TNKS: variants seen among roughly 807,000 people sequenced by gnomAD.
TNKS encodes poly [ADP-ribose] polymerase tankyrase-1.
In TNKS, 72 loss-of-function variants were observed where a neutral mutation model predicts 135.8. That is an observed-to-expected ratio of 0.53 (90% CI 0.44 to 0.64). The LOEUF (loss-of-function observed/expected upper bound fraction) is 0.64. TNKS is among the 30% of genes least tolerant of loss of function. TNKS has a pLI of 0.00. For synonymous variants in TNKS, 849 were observed against 649.3 expected (o/e 1.31, Z -4.68); for missense variants, 1,769 against 1,674.0 (o/e 1.06, Z -0.99).
intron 26 of TNKS, among the ~76,000 whole-genome samples, chr8:9,771,309 A>G (rs537015010): frequency 8.5e-5 from 10 of 117,594 alleles, no homozygotes; most frequent in African/African-American, 3.6e-4. Flanking sequence ...AGAGGAAGGA[A>G]GGAAGAGAGA....
At chr8:9,740,728 C>T (rs967432953) in intron 17 of TNKS, among the ~76,000 whole-genome samples, 1 of 151,342 alleles carries the variant, frequency 6.6e-6, no homozygotes. Flanking sequence ...ACATAAGGTT[C>T]TCAATTTCTC....
At chr8:9,752,989 T>C (rs1024958386) in intron 20 of TNKS, among the ~76,000 whole-genome samples, 2 of 151,316 alleles carry the variant, frequency 1.3e-5, no homozygotes, top group East Asian at 3.9e-4. Context: ...AAAGAAAGAC[T>C]TATTAATTGC....
intron 3 of TNKS, among the ~76,000 whole-genome samples, chr8:9,652,757 C>G (rs1801192356): frequency 6.6e-6 from 1 of 152,070 alleles, no homozygotes. Flanking sequence ...TCACTATCAT[C>G]TTGTGTTAGA....
At chr8:9,721,004 G>A (rs947511559) in intron 12 of TNKS, among the ~76,000 whole-genome samples, 32 of 151,982 alleles carry the variant, frequency 2.1e-4, no homozygotes, top group African/African-American at 7.7e-4. Context: ...ATTATAGGCC[G>A]GGCACAGTGG....
rs573194809 is a variant in TNKS, at chr8:9,659,421, A to T, written c.995-20530A>T. Among the ~76,000 whole-genome samples, 3 of 151,764 alleles carry T rather than the reference A, an allele frequency of 2.0e-5. No individual in the cohort carries two copies. In the East Asian group the frequency reaches 5.8e-4, roughly 29 times the overall value. ...CAGTGCAATCAAACTAGATCTCAGG[A>T]TTAAGAAAGTCACTCAAAACTACTC... On this transcript the variant is annotated intron_variant, in intron 3 of 26. Coordinates refer to ENST00000310430, the MANE Select transcript of TNKS (RefSeq NM_003747.3).
At chr8:9,584,089 G>A (rs189829970) in intron 2 of TNKS, among the ~76,000 whole-genome samples, 131 of 150,526 alleles carry the variant, frequency 8.7e-4, no homozygotes, top group African/African-American at 3.0e-3. Context: ...GCGTGAACCC[G>A]GGATGGGGAG....
chr8:9,650,370 GT>G (rs1190732710), intron 3 of TNKS, among the ~76,000 whole-genome samples: 1 of 152,090 alleles, frequency 6.6e-6, no homozygotes, highest in African/African-American at 2.4e-5. Context: ...TGGTAGTTGT[GT>G]TTTTACTTCT....
chr8:9,650,343 G>A (rs1456951538), intron 3 of TNKS, among the ~76,000 whole-genome samples: 1 of 152,114 alleles, frequency 6.6e-6, no homozygotes, highest in Non-Finnish European at 1.5e-5. Flanking sequence ...ACCCAGTAAT[G>A]GGATTGCTGG....
At chr8:9,753,384 G>C (rs941268947) in intron 20 of TNKS, among the ~76,000 whole-genome samples, 2 of 152,078 alleles carry the variant, frequency 1.3e-5, no homozygotes, top group African/African-American at 2.4e-5. Context: ...TTGTCCACTT[G>C]GAGTCTTAAA....
chr8:9,732,189 G>T (rs946126018), intron 14 of TNKS, among the ~76,000 whole-genome samples: 3 of 152,190 alleles, frequency 2.0e-5, no homozygotes, highest in Admixed American at 6.5e-5. Flanking sequence ...CCATCCCAAA[G>T]ACATCAGTAT....
intron 5 of TNKS, among the ~76,000 whole-genome samples, chr8:9,688,481 A>G (rs759671338): frequency 6.6e-6 from 1 of 152,168 alleles, no homozygotes; most frequent in African/African-American, 2.4e-5. Flanking sequence ...ATTGTATACC[A>G]TTTCTAGTGT....
At chr8:9,749,057 T>G (rs1242419881) in intron 18 of TNKS, among the ~76,000 whole-genome samples, 1 of 152,226 alleles carries the variant, frequency 6.6e-6, no homozygotes, top group Non-Finnish European at 1.5e-5. Flanking sequence ...GAGGCTGTCA[T>G]TGTTCTTTAA....
Position 9,718,822 on chromosome 8 carries a change from C to A in TNKS, c.1750-1552C>A, listed in dbSNP as rs536897038. Among the ~76,000 whole-genome samples the A allele has an allele frequency of 2.6e-5, 4 of 152,272 alleles. No homozygotes were observed. The South Asian group carries it at 8.3e-4, about 32-fold the overall frequency. ...GGAGTCTCTTTATTTGAGACAGTTTCTGTAACCTGGTGAAAATAATCACTT... is the reference window on the plus strand; with the variant it reads ...GGAGTCTCTTTATTTGAGACAGTTTATGTAACCTGGTGAAAATAATCACTT... On this transcript the variant is annotated intron_variant, in intron 11 of 26. Transcript: ENST00000310430.
At chr8:9,664,027 C>G (rs886985827) in intron 3 of TNKS, among the ~76,000 whole-genome samples, 1 of 152,170 alleles carries the variant, frequency 6.6e-6, no homozygotes, top group African/African-American at 2.4e-5. Flanking sequence ...TGGTACCAGC[C>G]CCTATCTGGA....
At chr8:9,556,685 G>T (rs755978223) in intron 1 of TNKS, 73 bp downstream of exon 1, 3 of 1,564,554 alleles carry the variant, frequency 1.9e-6, no homozygotes, top group African/African-American at 1.4e-5. Flanking sequence ...AAGAAAACAG[G>T]TTATTGTGAT....
intron 3 of TNKS, among the ~76,000 whole-genome samples, chr8:9,655,409 C>A (rs539268081): frequency 6.6e-6 from 1 of 152,194 alleles, no homozygotes; most frequent in Non-Finnish European, 1.5e-5. Context: ...TCTCCCAGCA[C>A]GCAGCTTGAG....
chr8:9,620,929 G>T (rs1243022423), intron 3 of TNKS, among the ~76,000 whole-genome samples: 1 of 152,006 alleles, frequency 6.6e-6, no homozygotes, highest in African/African-American at 2.4e-5. Flanking sequence ...TTATCCCCAG[G>T]ACTCAAAAGA....
At chr8:9,682,606 A>G (rs2128798150) in intron 5 of TNKS, among the ~76,000 whole-genome samples, 1 of 151,874 alleles carries the variant, frequency 6.6e-6, no homozygotes, top group African/African-American at 2.4e-5. Flanking sequence ...TTTTTCTTTT[A>G]CTCCTCTACT....
At chr8:9,735,173 A>G in intron 16 of TNKS, 89 bp downstream of exon 16, 3 of 1,324,384 alleles carry the variant, frequency 2.3e-6, no homozygotes, top group Non-Finnish European at 3.1e-6. Flanking sequence ...GCTGAACACA[A>G]ATGGGACTAC....
Sources: allele counts gnomAD v4.1 joint callset (sites outside exome capture counted in the v4.1 genomes callset), GRCh38; gene constraint gnomAD v4.1.1; transcripts MANE v1.5; gene names NCBI Gene and HGNC (gene_info 2026-07-23, HGNC 2026-07-21).